The following FCHO2 variants were observed in gnomAD, a reference collection of about 807,000 sequenced individuals.
FCHO2 encodes FCH and mu domain containing endocytic adaptor 2.
A neutral mutation model predicts 114.1 loss-of-function variants in FCHO2; 43 were observed. That is an observed-to-expected ratio of 0.38 (90% confidence interval 0.30 to 0.49). The LOEUF (loss-of-function observed/expected upper bound fraction) is 0.49, where lower values mean the gene tolerates loss of function less well. Ranked by LOEUF, FCHO2 falls within the 20% of genes least tolerant of loss-of-function variation. The pLI, the probability that FCHO2 is intolerant of heterozygous loss-of-function variation, is 0.97. For synonymous variants in FCHO2, 293 were observed against 315.2 expected (o/e 0.93, Z 0.75); for missense variants, 807 against 950.4 (o/e 0.85, Z 1.98).
intron 6 of FCHO2, among the ~76,000 whole-genome samples, chr5:73,012,026 C>G (rs1048899318): frequency 2.0e-5 from 3 of 152,058 alleles, no homozygotes; most frequent in Non-Finnish European, 4.4e-5. Flanking sequence ...AAGGATTACA[C>G]TCTAATAATA....
chr5:72,956,207 GGGCGGC>G (rs140511986), intron 1 of FCHO2, 78 bp downstream of exon 1: 2 of 1,471,830 alleles, frequency 1.4e-6, no homozygotes, highest in East Asian at 2.9e-5. Context: ...CGTGCGCTTC[GGGCGGC>G]GGCGGCGGCC....
rs549539699 is a variant in FCHO2 at position 72,989,880 on chromosome 5, T to C, written c.200+379T>C. Among the ~76,000 whole-genome samples the C allele has an allele frequency of 2.6e-5, 4 of 152,152 alleles. No individual in the cohort carries two copies. The East Asian group carries it at 5.8e-4, about 22-fold the overall frequency. On this transcript the variant is annotated intron_variant, in intron 3 of 25. Coordinates refer to ENST00000430046, the MANE Select transcript of FCHO2 (RefSeq NM_138782.3). ...CTTAAGATAAACTTTATTGAAATGA[T>C]TAAGATGCATTAAAAATGTCTCCTG... is the stretch of plus-strand genomic sequence containing the variant.
rs929089227 is a variant in FCHO2, at chr5:73,056,120, G to A, written c.1253+13G>A. 6.6e-7 allele frequency: 1 copy of A among 1,520,294 alleles called. No individual in the cohort carries two copies. Among genetic ancestry groups the A allele is most frequent in the Non-Finnish European group, 8.8e-7 (1 of 1,134,792 alleles). 94.2% of individuals were successfully genotyped at this position (1,520,294 alleles called of 1,614,324 possible). A position where few individuals can be genotyped will look rare whatever the true frequency, so the allele number is the denominator to read the frequency against. ...CTCCACCCAATGAGTAAGTTTCCAT[G>A]TTTAATTTTGTTAAAAAATAGACTT... On this transcript the variant is annotated intron_variant, in intron 16 of 25. Coordinates refer to ENST00000430046, the MANE Select transcript of FCHO2 (RefSeq NM_138782.3).
At chr5:73,002,465 G>A (rs746790611) in intron 5 of FCHO2, among the ~76,000 whole-genome samples, 5 of 152,094 alleles carry the variant, frequency 3.3e-5, no homozygotes, top group Admixed American at 6.5e-5. Flanking sequence ...TAAATTTCTT[G>A]TTAGTGAGAA....
At chr5:73,029,815 A>G (rs1395497866) in intron 8 of FCHO2, among the ~76,000 whole-genome samples, 1 of 152,052 alleles carries the variant, frequency 6.6e-6, no homozygotes. Flanking sequence ...GAACACACTT[A>G]TTACCAAGGG....
chr5:73,037,998 G>A, intron 10 of FCHO2: 1 of 195,858 alleles, frequency 5.1e-6, no homozygotes, highest in South Asian at 6.8e-5. Context: ...GACCTCAGGT[G>A]AACCACCCGC....
intron 7 of FCHO2, among the ~76,000 whole-genome samples, chr5:73,016,266 T>C (rs1209843475): frequency 1.3e-5 from 2 of 151,862 alleles, no homozygotes; most frequent in African/African-American, 2.4e-5. Flanking sequence ...CTGGGCAACA[T>C]AGGGAGACCT....
chr5:72,977,921 A>T (rs967655594), intron 2 of FCHO2, among the ~76,000 whole-genome samples: 6 of 152,138 alleles, frequency 3.9e-5, no homozygotes, highest in Non-Finnish European at 8.8e-5. Context: ...CGAAGATCAG[A>T]TGGTTGTAGA....
intron 1 of FCHO2, among the ~76,000 whole-genome samples, chr5:72,956,425 C>G (rs1234129921): frequency 2.0e-5 from 3 of 151,692 alleles, no homozygotes; most frequent in Non-Finnish European, 4.4e-5. Context: ...GGGACCCAGC[C>G]CCACCGGAGG....
chr5:72,963,038 T>C (rs1751963292), intron 1 of FCHO2, among the ~76,000 whole-genome samples: 1 of 152,146 alleles, frequency 6.6e-6, no homozygotes. Context: ...TATTGATAAA[T>C]GTGCAAGAGG....
chr5:73,018,741 C>A (rs1755450883), intron 8 of FCHO2, among the ~76,000 whole-genome samples: 1 of 152,184 alleles, frequency 6.6e-6, no homozygotes, highest in Non-Finnish European at 1.5e-5. Context: ...CAAAGTCTGA[C>A]TGATACTTCA....
intron 24 of FCHO2, among the ~76,000 whole-genome samples, chr5:73,084,336 G>C (rs1743220641): frequency 6.6e-6 from 1 of 152,126 alleles, no homozygotes; most frequent in African/African-American, 2.4e-5. Context: ...CATGATCTTG[G>C]CTCACTGCAA....
rs1164021478 is a variant in FCHO2, at chr5:73,088,696, A to T, written c.*606A>T. 1 of 152,644 alleles carries T rather than the reference A, an allele frequency of 6.6e-6. No homozygotes were observed. The highest frequency in any genetic ancestry group is 1.5e-5 in the Non-Finnish European group (1 of 68,028). 9.5% of individuals were successfully genotyped at this position (152,644 alleles called of 1,614,324 possible). ...TGATGTTTTATATGATTTTTAAAAA[A>T]AATTCTCAAGTGCAATGTGTTTTAA... On this transcript the variant is annotated 3_prime_UTR_variant, in exon 26 of 26. Coordinates refer to ENST00000430046, the MANE Select transcript of FCHO2 (RefSeq NM_138782.3).
intron 5 of FCHO2, among the ~76,000 whole-genome samples, chr5:72,997,853 G>A (rs1276761257): frequency 1.3e-5 from 2 of 152,202 alleles, no homozygotes; most frequent in African/African-American, 2.4e-5. Context: ...CTAACTTCGT[G>A]TTCACACTCC....
chr5:73,055,359 T>C (rs962563140), intron 15 of FCHO2, among the ~76,000 whole-genome samples: 2 of 152,146 alleles, frequency 1.3e-5, no homozygotes, highest in African/African-American at 4.8e-5. Context: ...ATGGTTATCA[T>C]GTACTGTGAT....
intron 1 of FCHO2, among the ~76,000 whole-genome samples, chr5:72,956,493 C>T (rs1380745742): frequency 6.6e-6 from 1 of 151,932 alleles, no homozygotes; most frequent in South Asian, 2.1e-4. Flanking sequence ...GAAGGACGGG[C>T]CCGCGGCACA....
intron 11 of FCHO2, among the ~76,000 whole-genome samples, chr5:73,041,869 T>C (rs1756820514): frequency 6.6e-6 from 1 of 152,032 alleles, no homozygotes; most frequent in Non-Finnish European, 1.5e-5. Context: ...AGTGAGAGAG[T>C]AGATTTACCA....
intron 2 of FCHO2, among the ~76,000 whole-genome samples, chr5:72,980,629 C>G (rs1014551673): frequency 1.2e-4 from 19 of 152,008 alleles, no homozygotes; most frequent in Non-Finnish European, 7.4e-5. Flanking sequence ...TCTGGGTGCT[C>G]CTGTATTAGG....
chr5:73,037,970 G>A, intron 10 of FCHO2: 1 of 233,558 alleles, frequency 4.3e-6, no homozygotes, highest in South Asian at 4.1e-5. Flanking sequence ...ATATTGGCCA[G>A]GCTGGTCGCG....
Sources: allele counts gnomAD v4.1 joint callset (sites outside exome capture counted in the v4.1 genomes callset), GRCh38; gene constraint gnomAD v4.1.1; transcripts MANE v1.5; gene names NCBI Gene and HGNC (gene_info 2026-07-23, HGNC 2026-07-21).